Variants in QKI observed in about 807,000 individuals in gnomAD.
QKI encodes the protein QKI, KH domain containing RNA binding.
In QKI, 10 loss-of-function variants were observed where a neutral mutation model predicts 39.0. That is an observed-to-expected ratio of 0.26 (90% CI 0.16 to 0.43). The LOEUF is 0.43. QKI is among the 20% of genes least tolerant of loss of function. The pLI, the probability that QKI is intolerant of heterozygous loss-of-function variation, is 1.00. For missense variants in QKI, 218 were observed against 428.0 expected (o/e 0.51, Z 4.33); for synonymous variants, 204 against 155.4 (o/e 1.31, Z -2.33).
chr6:163,429,312 C>T (rs1446002821), intron 1 of QKI, among the ~76,000 whole-genome samples: 2 of 152,064 alleles, frequency 1.3e-5, no homozygotes, highest in African/African-American at 2.4e-5. Flanking sequence ...ACTCATCATG[C>T]ACTGATAGCT....
intron 4 of QKI, among the ~76,000 whole-genome samples, chr6:163,544,016 A>G (rs1392727776): frequency 6.6e-6 from 1 of 152,064 alleles, no homozygotes; most frequent in East Asian, 1.9e-4. Flanking sequence ...TTTTTCTCAC[A>G]AAGTAAGAAC....
chr6:163,540,594 C>G (rs747578215), intron 4 of QKI, among the ~76,000 whole-genome samples: 2 of 152,116 alleles, frequency 1.3e-5, no homozygotes, highest in African/African-American at 2.4e-5. Context: ...TGTTTCTTTT[C>G]AGAGAACAGT....
intron 1 of QKI, among the ~76,000 whole-genome samples, chr6:163,422,500 C>A (rs1788071627): frequency 6.6e-6 from 1 of 151,940 alleles, no homozygotes; most frequent in Non-Finnish European, 1.5e-5. Flanking sequence ...CGCTAAGGAG[C>A]GAGGATTGCT....
intron 6 of QKI, chr6:163,566,031 C>G: frequency 6.3e-7 from 1 of 1,590,658 alleles, no homozygotes; most frequent in Non-Finnish European, 8.6e-7. Context: ...AATGCTTAGT[C>G]TCAGCAGCCT....
chr6:163,487,555 A>G (rs1333628452), intron 3 of QKI, among the ~76,000 whole-genome samples: 1 of 152,180 alleles, frequency 6.6e-6, no homozygotes, highest in Non-Finnish European at 1.5e-5. Context: ...AATGAGGGTC[A>G]TCTACATTGT....
At position 163,570,889 on chromosome 6, in the gene QKI, C is replaced by G; in HGVS notation, c.*179C>G. On this transcript the variant is annotated 3_prime_UTR_variant, in exon 8 of 8. Coordinates refer to ENST00000361752, the MANE Select transcript of QKI (RefSeq NM_006775.3). The stretch of plus-strand genomic sequence containing the variant: ...AGACAAAGAAATTGTTGTCCTCCAA[C>G]TCAGCTTTTTTTTTTTTTTTTTCCT... The G allele has an allele frequency of 1.3e-6, 1 of 743,596 alleles. No homozygotes were observed. Among genetic ancestry groups the G allele is most frequent in the Non-Finnish European group, 2.0e-6 (1 of 493,304 alleles). The allele number at this position is 743,596 out of a possible 1,614,324, so 46.1% of individuals were successfully genotyped here.
chr6:163,457,456 T>G, intron 2 of QKI: 2 of 455,990 alleles, frequency 4.4e-6, no homozygotes, highest in Non-Finnish European at 8.8e-6. Flanking sequence ...GATCGGTGAT[T>G]CTCAAAACAC....
At chr6:163,442,070 C>T (rs553878185) in intron 1 of QKI, among the ~76,000 whole-genome samples, 1 of 152,104 alleles carries the variant, frequency 6.6e-6, no homozygotes. Context: ...CATTTACATA[C>T]GAATGTACAG....
At chr6:163,508,473 G>A (rs1444348581) in intron 3 of QKI, among the ~76,000 whole-genome samples, 1 of 151,838 alleles carries the variant, frequency 6.6e-6, no homozygotes, top group Non-Finnish European at 1.5e-5. Context: ...TAGAGAGCCA[G>A]AAGAGAGTAA....
At chr6:163,516,915 A>G (rs1368550250) in intron 3 of QKI, among the ~76,000 whole-genome samples, 3 of 152,112 alleles carry the variant, frequency 2.0e-5, no homozygotes, top group Non-Finnish European at 4.4e-5. Flanking sequence ...GGTTCATGCC[A>G]TGAGCTATAA....
At position 163,415,099 on chromosome 6, in the gene QKI, C is replaced by T. The variant is rs1787318159; in HGVS notation, c.-95C>T. ...CGGCGCGGAGCGGGACGCCGGGTCC[C>T]GAGCGGCCCGCGGCCGGGGCTCGCC... On this transcript the variant is annotated 5_prime_UTR_variant, in exon 1 of 8. Coordinates refer to ENST00000361752, the MANE Select transcript of QKI (RefSeq NM_006775.3). 1 of 1,026,294 alleles carries T rather than the reference C, an allele frequency of 9.7e-7. No individual in the cohort carries two copies. Among genetic ancestry groups the T allele is most frequent in the African/African-American group, 1.8e-5 (1 of 56,472 alleles). 63.6% of individuals were successfully genotyped at this position (1,026,294 alleles called of 1,614,324 possible).
intron 3 of QKI, among the ~76,000 whole-genome samples, chr6:163,520,084 G>A (rs760813141): frequency 4.6e-5 from 7 of 152,104 alleles, no homozygotes; most frequent in Non-Finnish European, 1.0e-4. Flanking sequence ...TGATTCTATA[G>A]TTATATGGGT....
intron 3 of QKI, among the ~76,000 whole-genome samples, chr6:163,484,984 G>A (rs1777554601): frequency 6.6e-6 from 1 of 152,166 alleles, no homozygotes; most frequent in Non-Finnish European, 1.5e-5. Flanking sequence ...TACAATAAAA[G>A]GAGGTATGCC....
intron 1 of QKI, among the ~76,000 whole-genome samples, chr6:163,439,141 G>C (rs1789537649): frequency 6.6e-6 from 1 of 152,118 alleles, no homozygotes; most frequent in Admixed American, 6.5e-5. Flanking sequence ...TCATGGGCAA[G>C]GGCTGTATGG....
intron 2 of QKI, among the ~76,000 whole-genome samples, chr6:163,468,182 T>C (rs1791920427): frequency 6.6e-6 from 1 of 152,178 alleles, no homozygotes; most frequent in Non-Finnish European, 1.5e-5. Context: ...TCATACCCAC[T>C]GTGTTGCTTA....
At chr6:163,569,595 G>A (rs1783584109) in intron 7 of QKI, 1 of 1,043,652 alleles carries the variant, frequency 9.6e-7, no homozygotes, top group Admixed American at 5.2e-5. Flanking sequence ...AACAACTCAA[G>A]GACATTGGGA....
At chr6:163,485,266 A>G (rs986311898) in intron 3 of QKI, among the ~76,000 whole-genome samples, 1 of 152,170 alleles carries the variant, frequency 6.6e-6, no homozygotes, top group African/African-American at 2.4e-5. Flanking sequence ...GAAAGTAATT[A>G]TGGTGTTTCA....
chr6:163,490,946 T>A (rs1562483197), intron 3 of QKI, among the ~76,000 whole-genome samples: 1 of 152,200 alleles, frequency 6.6e-6, no homozygotes, highest in Non-Finnish European at 1.5e-5. Context: ...TCTTAAACTT[T>A]AGAGACTTTG....
intron 4 of QKI, 74 bp from the exon 5 acceptor site, chr6:163,561,908 C>A: frequency 1.7e-6 from 2 of 1,159,868 alleles, no homozygotes; most frequent in Non-Finnish European, 2.5e-6. Flanking sequence ...TACTTTAAGG[C>A]TTGTGTGTAG....
Sources: gnomAD v4.1 joint callset for allele counts (sites outside exome capture counted in the v4.1 genomes callset) on GRCh38, gnomAD v4.1.1 for gene constraint, MANE v1.5 for transcripts, NCBI Gene and HGNC (gene_info 2026-07-23, HGNC 2026-07-21) for gene names.